Variants in NKAIN2 observed in about 807,000 individuals in gnomAD.
NKAIN2 encodes sodium/potassium transporting ATPase interacting 2, also known as sodium/potassium-transporting ATPase subunit beta-1-interacting protein 2.
In NKAIN2, 14 loss-of-function variants were observed where a neutral mutation model predicts 32.6. That is an observed-to-expected ratio of 0.43 (90% CI 0.28 to 0.67). The LOEUF (loss-of-function observed/expected upper bound fraction) is 0.67. Ranked by LOEUF, NKAIN2 falls within the 30% of genes least tolerant of loss-of-function variation. NKAIN2 has a pLI of 0.17. For synonymous variants in NKAIN2, 80 were observed against 87.2 expected, an observed-to-expected ratio of 0.92 and a Z score of 0.46; for missense variants, 198 against 258.3, an observed-to-expected ratio of 0.77 and a Z score of 1.60.
intron 2 of NKAIN2, among the ~76,000 whole-genome samples, chr6:124,341,899 G>C (rs185023902): frequency 1.6e-4 from 24 of 152,276 alleles, no homozygotes; most frequent in Non-Finnish European, 2.9e-4. Flanking sequence ...AAGGAAATAA[G>C]TTGCTTTATT....
intron 4 of NKAIN2, among the ~76,000 whole-genome samples, chr6:124,706,172 T>C (rs1775052562): frequency 6.6e-6 from 1 of 152,120 alleles, no homozygotes; most frequent in African/African-American, 2.4e-5. Flanking sequence ...TTTAATTGAA[T>C]TGAATGATAA....
intron 4 of NKAIN2, among the ~76,000 whole-genome samples, chr6:124,752,267 G>GA (rs1234156932): frequency 6.6e-6 from 1 of 151,662 alleles, no homozygotes; most frequent in African/African-American, 2.4e-5. Flanking sequence ...ACATTCTCCA[G>GA]AATAATTTTA....
Position 124,714,165 on chromosome 6 carries a change from G to T in NKAIN2, c.474+55779G>T, listed in dbSNP as rs557330393. Among the ~76,000 whole-genome samples the T allele has an allele frequency of 2.6e-5, 4 of 152,270 alleles. No homozygotes were observed. The East Asian group carries it at 7.7e-4, about 29-fold the overall frequency. ...TGCTGTAGTGGCTCTAACTTCCAGA[G>T]ATTCGGATGTAATCTACATAAATAT... is the stretch of plus-strand genomic sequence containing the variant. On this transcript the variant is annotated intron_variant, in intron 4 of 6. Transcript: ENST00000368417.
chr6:124,243,993 G>A (rs1793252476), intron 1 of NKAIN2, among the ~76,000 whole-genome samples: 1 of 151,740 alleles, frequency 6.6e-6, no homozygotes, highest in African/African-American at 2.4e-5. Flanking sequence ...GGCTATGGAG[G>A]CATTCACATC....
Position 123,820,872 on chromosome 6 carries a change from A to G in NKAIN2, c.54+16618A>G, listed in dbSNP as rs139378623. Among the ~76,000 whole-genome samples, 322 of 152,350 alleles carry G rather than the reference A, an allele frequency of 2.1e-3. 1 individual carries two copies. The highest frequency in any genetic ancestry group is 2.1e-3 in the Admixed American group (32 of 15,300). On this transcript the variant is annotated intron_variant, in intron 1 of 6. Coordinates refer to ENST00000368417, the MANE Select transcript of NKAIN2 (RefSeq NM_001040214.3). ...ACTTGAAACTTAAAATATTACTCTT[A>G]TCCATTCGTCTGTAAGAGACTTGCA... is the stretch of plus-strand genomic sequence containing the variant.
At chr6:124,740,130 T>G (rs535291937) in intron 4 of NKAIN2, among the ~76,000 whole-genome samples, 1 of 146,584 alleles carries the variant, frequency 6.8e-6, no homozygotes, top group African/African-American at 2.5e-5. Flanking sequence ...GTTGCCCCTG[T>G]TTTTTTTTTT....
chr6:124,716,527 CG>C (rs956972407), intron 4 of NKAIN2, among the ~76,000 whole-genome samples: 26 of 152,254 alleles, frequency 1.7e-4, no homozygotes, highest in African/African-American at 6.3e-4. Flanking sequence ...ACATGAGTTT[CG>C]TGACATCCCT....
chr6:124,618,164 AT>A (rs1371628728), intron 3 of NKAIN2, among the ~76,000 whole-genome samples: 22 of 152,332 alleles, frequency 1.4e-4, no homozygotes, highest in African/African-American at 4.6e-4. Flanking sequence ...TTTATACCTT[AT>A]TTTGAATTAC....
At chr6:123,924,782 G>T (rs946823613) in intron 1 of NKAIN2, among the ~76,000 whole-genome samples, 1 of 151,816 alleles carries the variant, frequency 6.6e-6, no homozygotes, top group Non-Finnish European at 1.5e-5. Context: ...TATTTTACAG[G>T]AATTATTTCC....
Position 124,180,109 on chromosome 6 carries a change from CTG to C in NKAIN2, c.55-102878_55-102877del, listed in dbSNP as rs375274872. ...AGGCATGTAAGCAAATAGATATCTA[CTG>C]TGTGTGTGTGTGTGTGTATGTATCC... is the stretch of plus-strand genomic sequence containing the variant. On this transcript the variant is annotated intron_variant, in intron 1 of 6. Transcript: ENST00000368417. Among the ~76,000 whole-genome samples the C allele has an allele frequency of 6.0e-5, 9 of 149,498 alleles. No individual in the cohort carries two copies. The East Asian group carries it at 7.8e-4, about 13-fold the overall frequency.
chr6:124,664,922 G>A (rs1397111398), intron 4 of NKAIN2, among the ~76,000 whole-genome samples: 7 of 150,524 alleles, frequency 4.7e-5, no homozygotes, highest in Non-Finnish European at 8.8e-5. Flanking sequence ...GAATGTATAC[G>A]TGTATCTTTA....
At chr6:124,081,077 G>A (rs578114606) in intron 1 of NKAIN2, among the ~76,000 whole-genome samples, 11 of 152,128 alleles carry the variant, frequency 7.2e-5, no homozygotes, top group South Asian at 2.1e-4. Flanking sequence ...AAAAAGAGTC[G>A]TTTAATCCTA....
At chr6:124,001,162 T>C (rs564947394) in intron 1 of NKAIN2, among the ~76,000 whole-genome samples, 138 of 152,162 alleles carry the variant, frequency 9.1e-4, no homozygotes, top group Middle Eastern at 3.2e-3. Flanking sequence ...AATCTGTTTT[T>C]ATTTTTTTGC....
At chr6:123,827,897 A>G (rs12190326) in intron 1 of NKAIN2, among the ~76,000 whole-genome samples, 3 of 144,728 alleles carry the variant, frequency 2.1e-5, no homozygotes, top group African/African-American at 5.2e-5. Flanking sequence ...CTCTCTCTCT[A>G]TATATATATA....
At chr6:124,759,090 T>C (rs913590232) in intron 4 of NKAIN2, among the ~76,000 whole-genome samples, 9 of 152,184 alleles carry the variant, frequency 5.9e-5, no homozygotes, top group African/African-American at 2.2e-4. Context: ...TTGATTTTAT[T>C]GGGCATGCCC....
intron 1 of NKAIN2, among the ~76,000 whole-genome samples, chr6:123,942,304 C>G (rs1175385264): frequency 6.6e-6 from 1 of 151,852 alleles, no homozygotes; most frequent in Non-Finnish European, 1.5e-5. Flanking sequence ...ATACGTAATA[C>G]TGATATTTAA....
At chr6:124,097,385 G>A (rs1406463621) in intron 1 of NKAIN2, among the ~76,000 whole-genome samples, 1 of 131,630 alleles carries the variant, frequency 7.6e-6, no homozygotes, top group Admixed American at 8.5e-5. Flanking sequence ...CCTGGCAACA[G>A]AGCAAGACTT....
chr6:124,607,730 A>G (rs1384250369), intron 3 of NKAIN2, among the ~76,000 whole-genome samples: 1 of 152,108 alleles, frequency 6.6e-6, no homozygotes, highest in Non-Finnish European at 1.5e-5. Flanking sequence ...ACTGTTCACA[A>G]CTTACAATGG....
chr6:124,802,029 T>C (rs1780284629), intron 5 of NKAIN2, among the ~76,000 whole-genome samples: 1 of 152,204 alleles, frequency 6.6e-6, no homozygotes, highest in Non-Finnish European at 1.5e-5. Context: ...GGACATTCTC[T>C]TTCCTGAAAT....
Sources: gnomAD v4.1 joint callset for allele counts (sites outside exome capture counted in the v4.1 genomes callset) on GRCh38, gnomAD v4.1.1 for gene constraint, MANE v1.5 for transcripts, NCBI Gene and HGNC (gene_info 2026-07-23, HGNC 2026-07-21) for gene names.